Variants in AKAP8 observed in about 807,000 individuals in gnomAD.
AKAP8 encodes A-kinase anchoring protein 8.
A neutral mutation model predicts 67.5 loss-of-function variants in AKAP8; 24 were observed. The observed-to-expected ratio is 0.36, with a 90% CI of 0.26 to 0.50. The LOEUF is 0.50. Among genes scored for constraint, AKAP8 ranks in the 20% least tolerant of loss-of-function variants. The pLI, the probability that AKAP8 is intolerant of heterozygous loss-of-function variation, is 0.97. For missense variants in AKAP8, 971 were observed against 955.9 expected, an observed-to-expected ratio of 1.02 and a Z score of -0.21; for synonymous variants, 400 against 371.1, an observed-to-expected ratio of 1.08 and a Z score of -0.90.
At position 15,372,306 on chromosome 19, in the gene AKAP8, C is replaced by G. The variant is rs758508271; in HGVS notation, c.903G>C (p.Thr301=). The G allele has an allele frequency of 6.2e-7, 1 of 1,614,158 alleles. No homozygotes were observed. The highest frequency in any genetic ancestry group is 1.7e-5 in the Admixed American group (1 of 60,012). ...RGFDRFGPDG[T]GRKRKQFQLY... Reference sequence around the variant, plus strand: ...GTTGGAACTGCTTCCGTTTCCTGCCCGTGCCATCTGGTCCGAAGCGGTCAA... The same window carrying G: ...GTTGGAACTGCTTCCGTTTCCTGCCGGTGCCATCTGGTCCGAAGCGGTCAA... The change falls in exon 6 of 14, where the codon ACG becomes ACC. Residue 301 remains threonine, a synonymous_variant. Transcript: ENST00000269701.
At position 15,373,890 on chromosome 19, in the gene AKAP8, G is replaced by T; in HGVS notation, c.267C>A (p.Ser89=). 6.2e-7 allele frequency: 1 copy of T among 1,613,592 alleles called. No homozygotes were observed. Among genetic ancestry groups the T allele is most frequent in the Non-Finnish European group, 8.5e-7 (1 of 1,179,970 alleles). ...SYGPEPCTDN[S]DSLIAKINQR... is the part of the protein sequence containing the mutation. Reference sequence around the variant, plus strand: ...GGTTGATCTTGGCAATGAGGGAGTCGGAATTGTCGGTGCATGGCTCTGGGC... The same window carrying T: ...GGTTGATCTTGGCAATGAGGGAGTCTGAATTGTCGGTGCATGGCTCTGGGC... The change falls in exon 4 of 14, where the codon TCC becomes TCA. Residue 89 remains serine, a synonymous_variant. Transcript: ENST00000269701.
At chr19:15,364,390 G>C (rs1452843671) in intron 9 of AKAP8, among the ~76,000 whole-genome samples, 1 of 151,796 alleles carries the variant, frequency 6.6e-6, no homozygotes, top group South Asian at 2.1e-4. Flanking sequence ...TCCCTCTGTT[G>C]CCCAGGCTGG....
At chr19:15,373,594 C>T in intron 4 of AKAP8, 192 bp downstream of exon 4, 1 of 930,816 alleles carries the variant, frequency 1.1e-6, no homozygotes, top group Non-Finnish European at 1.6e-6. Context: ...ACAACCACGC[C>T]CAAGCCCCGC....
chr19:15,379,619 G>A (rs1337215469), intron 1 of AKAP8, 94 bp downstream of exon 1: 44 of 1,462,832 alleles, frequency 3.0e-5, no homozygotes, highest in Non-Finnish European at 3.9e-5. Flanking sequence ...ACCACGCTCG[G>A]GACGAAGGCC....
In AKAP8 at chr19:15,379,590, G is replaced by A. The variant is rs144075571; in HGVS notation, c.19+123C>T. 22 of 1,159,154 alleles carry A rather than the reference G, an allele frequency of 1.9e-5. No homozygotes were observed. The South Asian group carries it at 2.0e-4, about 10-fold the overall frequency. The allele number at this position is 1,159,154 out of a possible 1,614,324, so 71.8% of individuals were successfully genotyped here. On this transcript the variant is annotated intron_variant, in intron 1 of 13. Transcript: ENST00000269701. ...GCGCGCGCGCCCTGGCCGCCTCTCC[G>A]GAGGGCCCAGCTGGGGCAACCACGC...
chr19:15,361,918 G>C (rs1966972912), intron 10 of AKAP8, 96 bp from the exon 11 acceptor site: 1 of 1,379,936 alleles, frequency 7.2e-7, no homozygotes, highest in Non-Finnish European at 1.0e-6. Context: ...TATCAGAGCA[G>C]CTGCGTGGGG....
rs774491911 is a variant in AKAP8, at chr19:15,373,920, A to G, written c.237T>C (p.Ser79=). Reference sequence around the variant, plus strand: ...TGTCGGTGCATGGCTCTGGGCCGTAAGAGGCCATGTGCATGGCAGGGGCCC... The same window carrying G: ...TGTCGGTGCATGGCTCTGGGCCGTAGGAGGCCATGTGCATGGCAGGGGCCC... ...AAGAPAMHMA[S]YGPEPCTDNS... Residue 79 remains serine (S), a synonymous_variant, in exon 4 of 14, where the codon TCT becomes TCC. Transcript: ENST00000269701. 3 of 1,613,782 alleles carry G rather than the reference A, an allele frequency of 1.9e-6. No homozygotes were observed. Among genetic ancestry groups the G allele is most frequent in the African/African-American group, 1.3e-5 (1 of 74,940 alleles).
At chr19:15,357,454 A>G (rs1261199941) in intron 13 of AKAP8, among the ~76,000 whole-genome samples, 1 of 149,964 alleles carries the variant, frequency 6.7e-6, no homozygotes, top group African/African-American at 2.5e-5. Context: ...AAAAAAAAAA[A>G]AAAATTAGCC....
intron 4 of AKAP8, 84 bp from the exon 5 acceptor site, chr19:15,373,424 C>T (rs1967197510): frequency 6.8e-6 from 10 of 1,471,882 alleles, no homozygotes; most frequent in African/African-American, 1.4e-5. Flanking sequence ...GACGCCCCTA[C>T]ATTCAAAACA....
Position 15,355,689 on chromosome 19 carries a change from C to T in AKAP8, c.1624-319G>A, listed in dbSNP as rs141449568. Among the ~76,000 whole-genome samples the T allele has an allele frequency of 7.3e-4, 111 of 152,122 alleles. 1 individual carries two copies. In the East Asian group the frequency reaches 0.019, roughly 26 times the overall value. ...ATGGGGTTTCCACCCACCTCAGCCT[C>T]CCAAAGCGCTGCGATTACAGGTGTG... On this transcript the variant is annotated intron_variant, in intron 13 of 13. Coordinates refer to ENST00000269701, the MANE Select transcript of AKAP8 (RefSeq NM_005858.4).
At chr19:15,365,091 G>A (rs1967047867) in intron 9 of AKAP8, among the ~76,000 whole-genome samples, 1 of 152,208 alleles carries the variant, frequency 6.6e-6, no homozygotes. Context: ...AAGCCCCTGA[G>A]AAAACACCAG....
intron 1 of AKAP8, chr19:15,379,363 A>T (rs1459755087): frequency 6.7e-6 from 2 of 298,418 alleles, no homozygotes; most frequent in Non-Finnish European, 1.2e-5. Context: ...GGAAGCCGGG[A>T]GTGCAAACCC....
In AKAP8 at chr19:15,354,368, G is replaced by C. The variant is rs1415805615; in HGVS notation, c.*547C>G. ...GTCGGTCAGATACTTCTGGCCTTTG[G>C]GAGTGCGTGGATGTGACGCGGTCAG... On this transcript the variant is annotated 3_prime_UTR_variant, in exon 14 of 14. Coordinates refer to ENST00000269701, the MANE Select transcript of AKAP8 (RefSeq NM_005858.4). 1 of 157,454 alleles carries C rather than the reference G, an allele frequency of 6.4e-6. No homozygotes were observed. Among genetic ancestry groups the C allele is most frequent in the Non-Finnish European group, 1.4e-5 (1 of 70,944 alleles). The allele number at this position is 157,454 out of a possible 1,614,324, so 9.8% of individuals were successfully genotyped here.
intron 9 of AKAP8, among the ~76,000 whole-genome samples, chr19:15,366,126 A>T (rs373264087): frequency 7.3e-6 from 1 of 137,438 alleles, no homozygotes; most frequent in East Asian, 2.2e-4. Context: ...TCATTGGAAG[A>T]ACATACAAGA....
chr19:15,372,071 G>A (rs1356170276), intron 6 of AKAP8, 73 bp from the exon 7 acceptor site: 30 of 1,609,178 alleles, frequency 1.9e-5, no homozygotes, highest in Middle Eastern at 1.9e-4. Flanking sequence ...TCCCAAGCTC[G>A]CCATCCAGGG....
In AKAP8 at chr19:15,372,987, C is replaced by CGGCTGGGGGAGGGAG. The variant is rs1568253427; in HGVS notation, c.724_725insCTCCCTCCCCCAGCC (p.Ser241_Arg242insProProSerProSer). On this transcript the variant is annotated inframe_insertion, in exon 5 of 14. Coordinates refer to ENST00000269701, the MANE Select transcript of AKAP8 (RefSeq NM_005858.4). ...CTGGGAGAAGAGGGACGGAGGTGGC[C>CGGCTGGGGGAGGGAG]GGCTGGGGGAGGGCCCTCCCAGGCC... 1 of 1,564,922 alleles carries CGGCTGGGGGAGGGAG rather than the reference C, an allele frequency of 6.4e-7. No homozygotes were observed. Among genetic ancestry groups the CGGCTGGGGGAGGGAG allele is most frequent in the East Asian group, 2.3e-5 (1 of 44,266 alleles).
intron 2 of AKAP8, among the ~76,000 whole-genome samples, chr19:15,374,868 A>C (rs1199603540): frequency 6.6e-6 from 1 of 152,182 alleles, no homozygotes; most frequent in African/African-American, 2.4e-5. Flanking sequence ...CCGTCAGGGC[A>C]AGGGAAGGGA....
chr19:15,361,719 G>T lies in AKAP8; in HGVS notation c.1396+10C>A. The T allele has an allele frequency of 6.2e-7, 1 of 1,606,422 alleles. No homozygotes were observed. Among genetic ancestry groups the T allele is most frequent in the South Asian group, 1.1e-5 (1 of 90,896 alleles). Reference sequence around the variant, plus strand: ...TCCAGGAAAGCACTCATCCTGGGATGACAACTCACCTTTGAAAGGATCTGG... The same window carrying T: ...TCCAGGAAAGCACTCATCCTGGGATTACAACTCACCTTTGAAAGGATCTGG... On this transcript the variant is annotated intron_variant, in intron 11 of 13. Coordinates refer to ENST00000269701, the MANE Select transcript of AKAP8 (RefSeq NM_005858.4).
chr19:15,373,571 G>A, intron 4 of AKAP8: 7 of 906,504 alleles, frequency 7.7e-6, no homozygotes, highest in Non-Finnish European at 1.1e-5. Context: ...AGGAGTCTCG[G>A]GGAGCTTAGC....
Sources: allele counts gnomAD v4.1 joint callset (sites outside exome capture counted in the v4.1 genomes callset), GRCh38; gene constraint gnomAD v4.1.1; transcripts MANE v1.5; gene names NCBI Gene and HGNC (gene_info 2026-07-23, HGNC 2026-07-21).